Variants in EXOC3 observed in about 807,000 individuals in gnomAD.
The protein encoded by EXOC3 is SEC6-like 1.
In EXOC3, 21 loss-of-function variants were observed where a neutral mutation model predicts 73.7. That is an observed-to-expected ratio of 0.29 (90% CI 0.20 to 0.41). The LOEUF (loss-of-function observed/expected upper bound fraction) is 0.41. Ranked by LOEUF, EXOC3 falls within the 10% of genes least tolerant of loss-of-function variation. EXOC3 has a pLI of 1.00. For missense variants in EXOC3, 842 were observed against 985.1 expected, an observed-to-expected ratio of 0.85 and a Z score of 1.95; for synonymous variants, 410 against 389.1, an observed-to-expected ratio of 1.05 and a Z score of -0.63.
chr5:457,779 G>T (rs1184691653), intron 5 of EXOC3, 121 bp from the exon 6 acceptor site: 4 of 1,099,474 alleles, frequency 3.6e-6, no homozygotes, highest in Non-Finnish European at 3.8e-6. Flanking sequence ...TGAGAAAGAG[G>T]ACGCTGGTGC....
intron 10 of EXOC3, 117 bp downstream of exon 10, chr5:464,529 A>T: frequency 1.7e-6 from 2 of 1,192,414 alleles, no homozygotes; most frequent in Non-Finnish European, 2.4e-6. Context: ...TTGTTGTCCT[A>T]TCAGCCCAAG....
At chr5:445,810 C>T (rs1358618900) in intron 1 of EXOC3, among the ~76,000 whole-genome samples, 1 of 152,104 alleles carries the variant, frequency 6.6e-6, no homozygotes, top group Non-Finnish European at 1.5e-5. Context: ...GGGAAAGCTC[C>T]CGAAATGAGA....
chr5:446,533 A>T (rs1344597772), intron 2 of EXOC3, among the ~76,000 whole-genome samples, 184 bp downstream of exon 2: 1 of 152,222 alleles, frequency 6.6e-6, no homozygotes, highest in Non-Finnish European at 1.5e-5. Context: ...AGACAGTGGG[A>T]ATGGTGAAAA....
rs912096186 is a variant in EXOC3 at position 456,821 on chromosome 5, C to T, written c.1047-68C>T. Reference sequence around the variant, plus strand: ...ATTCATGTGTCAAGTGAAACAGTCTCGGCACACTTGGGCATGCTCTTCTGT... The same window carrying T: ...ATTCATGTGTCAAGTGAAACAGTCTTGGCACACTTGGGCATGCTCTTCTGT... On this transcript the variant is annotated intron_variant, in intron 4 of 12. Coordinates refer to ENST00000512944, the MANE Select transcript of EXOC3 (RefSeq NM_007277.5). The T allele has an allele frequency of 4.7e-5, 57 of 1,202,018 alleles. 1 individual carries two copies. The highest frequency in any genetic ancestry group is 7.6e-5 in the South Asian group (6 of 79,148). The allele number at this position is 1,202,018 out of a possible 1,614,324, so 74.5% of individuals were successfully genotyped here.
At chr5:447,379 C>G in intron 2 of EXOC3, 154 bp from the exon 3 acceptor site, 1 of 589,348 alleles carries the variant, frequency 1.7e-6, no homozygotes. Flanking sequence ...TCAATTAAAT[C>G]CTTGTTGATT....
In EXOC3 at chr5:455,665, T is replaced by G. The variant is rs142442483; in HGVS notation, c.1047-1224T>G. ...TAGACTTAAAAAAACTTTTTAATTTTAATTTTTGTGGGTACATAGTAGGTG... is the reference window on the plus strand; with the variant it reads ...TAGACTTAAAAAAACTTTTTAATTTGAATTTTTGTGGGTACATAGTAGGTG... On this transcript the variant is annotated intron_variant, in intron 4 of 12. Coordinates refer to ENST00000512944, the MANE Select transcript of EXOC3 (RefSeq NM_007277.5). Among the ~76,000 whole-genome samples the G allele has an allele frequency of 3.8e-3, 575 of 152,226 alleles. 10 individuals are homozygous for G. The East Asian group carries it at 0.046, about 12-fold the overall frequency.
chr5:456,799 C>A (rs996009408), intron 4 of EXOC3, 90 bp from the exon 5 acceptor site: 2 of 970,948 alleles, frequency 2.1e-6, no homozygotes, highest in Non-Finnish European at 1.6e-6. Context: ...GGTGGACATT[C>A]ATGTGTCAAG....
intron 10 of EXOC3, chr5:464,628 AG>A: frequency 1.9e-6 from 1 of 512,926 alleles, no homozygotes; most frequent in Non-Finnish European, 3.5e-6. Context: ...CTCGAGGTGG[AG>A]GGAGCCATGG....
In EXOC3 at chr5:446,369, TC is replaced by T. The variant is rs1014323302; in HGVS notation, c.144+23del. On this transcript the variant is annotated intron_variant, in intron 2 of 12. Transcript: ENST00000512944. ...TTGAAGGTGAGGCCACCTGCCCCACTCCCAGGATCTGTCTTGGGCTTCAGGT... is the reference window on the plus strand; with the variant it reads ...TTGAAGGTGAGGCCACCTGCCCCACTCCAGGATCTGTCTTGGGCTTCAGGT... 1 of 1,571,020 alleles carries T rather than the reference TC, an allele frequency of 6.4e-7. No individual in the cohort carries two copies. Among genetic ancestry groups the T allele is most frequent in the African/African-American group, 1.4e-5 (1 of 73,528 alleles).
chr5:456,831 G>C, intron 4 of EXOC3, 58 bp from the exon 5 acceptor site: 1 of 1,295,880 alleles, frequency 7.7e-7, no homozygotes, highest in Non-Finnish European at 1.1e-6. Flanking sequence ...CGGCACACTT[G>C]GGCATGCTCT....
intron 3 of EXOC3, among the ~76,000 whole-genome samples, chr5:452,709 A>T (rs1417439365): frequency 6.6e-6 from 1 of 152,286 alleles, no homozygotes; most frequent in Non-Finnish European, 1.5e-5. Flanking sequence ...GCCAAGGCAC[A>T]GCCTGAGGTG....
At chr5:460,715 C>T (rs1728597494) in intron 7 of EXOC3, among the ~76,000 whole-genome samples, 1 of 152,206 alleles carries the variant, frequency 6.6e-6, no homozygotes, top group Non-Finnish European at 1.5e-5. Context: ...TCCACAGAGG[C>T]ATGGCCAAAT....
At chr5:454,497 A>G (rs1005618389) in intron 4 of EXOC3, among the ~76,000 whole-genome samples, 8 of 152,218 alleles carry the variant, frequency 5.3e-5, no homozygotes, top group African/African-American at 2.4e-5. Flanking sequence ...GGCTTCCAGC[A>G]TCCCGGGTTT....
intron 2 of EXOC3, among the ~76,000 whole-genome samples, chr5:446,691 C>T (rs953312947): frequency 2.6e-5 from 4 of 152,206 alleles, no homozygotes; most frequent in East Asian, 3.9e-4. Flanking sequence ...AACCCTGTCT[C>T]TATGAAAATA....
At chr5:447,406 G>T (rs1737538078) in intron 2 of EXOC3, 127 bp from the exon 3 acceptor site, 1 of 612,724 alleles carries the variant, frequency 1.6e-6, no homozygotes, top group African/African-American at 1.9e-5. Flanking sequence ...TCTTTTCTGG[G>T]TATTGACTGT....
chr5:456,886 T>C lies in EXOC3; in HGVS notation c.1047-3T>C. 6.2e-7 allele frequency: 1 copy of C among 1,610,426 alleles called. No homozygotes were observed. Among genetic ancestry groups the C allele is most frequent in the East Asian group, 2.2e-5 (1 of 44,872 alleles). On this transcript the variant is annotated splice_polypyrimidine_tract_variant and splice_region_variant and intron_variant, in intron 4 of 12. Transcript: ENST00000512944. ...GTCACTCACATTCCTGGTTCCCCCA[T>C]AGTACTGAGATGATGAGGAACGTGG...
rs1737379757 is a variant in EXOC3, at chr5:443,217, AGGG to A, written c.-127_-125del. 7.4e-6 allele frequency: 1 copy of A among 134,736 alleles called. No individual in the cohort carries two copies. Among genetic ancestry groups the A allele is most frequent in the Admixed American group, 7.5e-5 (1 of 13,330 alleles). 8.3% of individuals were successfully genotyped at this position (134,736 alleles called of 1,614,324 possible). On this transcript the variant is annotated 5_prime_UTR_variant, in exon 1 of 13. Transcript: ENST00000512944. Reference sequence around the variant, plus strand: ...CCGGAGGCGGAGGCAGCGAAGGCGGAGGGGGCGGCGGGGGCGGCGGCGGCGGCG... The same window carrying A: ...CCGGAGGCGGAGGCAGCGAAGGCGGAGGCGGCGGGGGCGGCGGCGGCGGCG...
At chr5:444,112 C>T (rs145478138) in intron 1 of EXOC3, among the ~76,000 whole-genome samples, 94 of 152,332 alleles carry the variant, frequency 6.2e-4, no homozygotes, top group African/African-American at 2.1e-3. Context: ...CTGATGTTCC[C>T]CGCAGTAGGG....
chr5:449,686 C>A (rs954054946), intron 3 of EXOC3, among the ~76,000 whole-genome samples: 1 of 152,188 alleles, frequency 6.6e-6, no homozygotes, highest in Non-Finnish European at 1.5e-5. Context: ...TTTGCTTATC[C>A]GTTTGTCTGT....
Sources: allele counts gnomAD v4.1 joint callset (sites outside exome capture counted in the v4.1 genomes callset), GRCh38; gene constraint gnomAD v4.1.1; transcripts MANE v1.5; gene names NCBI Gene and HGNC (gene_info 2026-07-23, HGNC 2026-07-21).